The following KIRREL3 variants were observed in gnomAD, a reference collection of about 807,000 sequenced individuals.
KIRREL3 encodes the protein kin of IRRE-like protein 3.
A neutral mutation model predicts 89.7 loss-of-function variants in KIRREL3; 36 were observed. That is an observed-to-expected ratio of 0.40 (90% confidence interval 0.31 to 0.53). The LOEUF is 0.53. Ranked by LOEUF, KIRREL3 falls within the 20% of genes least tolerant of loss-of-function variation. The pLI is 0.49. For missense variants in KIRREL3, 864 were observed against 1,056.6 expected, an observed-to-expected ratio of 0.82 and a Z score of 2.53; for synonymous variants, 445 against 441.4, an observed-to-expected ratio of 1.01 and a Z score of -0.10.
chr11:126,756,252 C>T (rs1246343443), intron 1 of KIRREL3, among the ~76,000 whole-genome samples: 1 of 152,222 alleles, frequency 6.6e-6, no homozygotes, highest in Admixed American at 6.5e-5. Context: ...GACTCCACCC[C>T]CAACACTGCC....
rs1438135945 is a variant in KIRREL3 at position 126,579,680 on chromosome 11, T to A, written c.56-16768A>T. Reference sequence around the variant, plus strand: ...GGTTGGATGGCATTTGTATCTAGAGTTGCACCTGGATCTGGACAATGCTTC... The same window carrying A: ...GGTTGGATGGCATTTGTATCTAGAGATGCACCTGGATCTGGACAATGCTTC... On this transcript the variant is annotated intron_variant, in intron 1 of 16. Coordinates refer to ENST00000525144, the MANE Select transcript of KIRREL3 (RefSeq NM_032531.4). The surrounding 1 kb of genome is among the most constrained non-coding windows in gnomAD (Gnocchi z 5.3). Among the ~76,000 whole-genome samples the A allele has an allele frequency of 6.6e-6, 1 of 151,852 alleles. No individual in the cohort carries two copies. Among genetic ancestry groups the A allele is most frequent in the Non-Finnish European group, 1.5e-5 (1 of 67,974 alleles).
At chr11:126,793,952 CT>C (rs1950724985) in intron 1 of KIRREL3, among the ~76,000 whole-genome samples, 1 of 152,164 alleles carries the variant, frequency 6.6e-6, no homozygotes. Flanking sequence ...ATATAACGGC[CT>C]GAAAGGGTGC....
chr11:126,670,659 G>A (rs73629193), intron 1 of KIRREL3, among the ~76,000 whole-genome samples: 5,930 of 152,272 alleles, frequency 0.039, 234 homozygotes, highest in African/African-American at 0.095. Flanking sequence ...TGGAATCGTG[G>A]TAAGCTGCCT....
intron 1 of KIRREL3, among the ~76,000 whole-genome samples, chr11:126,835,142 A>G (rs1269823879): frequency 1.3e-5 from 2 of 152,210 alleles, no homozygotes; most frequent in Non-Finnish European, 2.9e-5. Context: ...TTTAATAATG[A>G]CACCCCATGC....
intron 1 of KIRREL3, among the ~76,000 whole-genome samples, chr11:126,660,889 C>T (rs1436151467): frequency 6.6e-6 from 1 of 152,124 alleles, no homozygotes; most frequent in Non-Finnish European, 1.5e-5. Flanking sequence ...GCTTGGCAAA[C>T]AACTGTGTTT....
chr11:126,845,016 C>T (rs1944092575), intron 1 of KIRREL3, among the ~76,000 whole-genome samples: 1 of 152,090 alleles, frequency 6.6e-6, no homozygotes, highest in African/African-American at 2.4e-5. Flanking sequence ...TTTTCTGTTA[C>T]TCAGGGCAAC....
At chr11:126,559,850 T>TC (rs1939982141) in intron 2 of KIRREL3, among the ~76,000 whole-genome samples, 1 of 151,850 alleles carries the variant, frequency 6.6e-6, no homozygotes, top group Admixed American at 6.6e-5. Flanking sequence ...TTATTATTTT[T>TC]TTTTGTATTT....
chr11:126,838,375 C>G (rs1943848089), intron 1 of KIRREL3, among the ~76,000 whole-genome samples: 1 of 152,216 alleles, frequency 6.6e-6, no homozygotes, highest in Non-Finnish European at 1.5e-5. Flanking sequence ...TAGGGCCAGA[C>G]TGCACCTTCT....
chr11:126,745,409 C>T (rs1949111479), intron 1 of KIRREL3, among the ~76,000 whole-genome samples: 1 of 150,984 alleles, frequency 6.6e-6, no homozygotes, highest in Non-Finnish European at 1.5e-5. Flanking sequence ...TGGAATTTTA[C>T]AATGTGGTCA....
At chr11:126,532,905 A>T (rs1308275883) in intron 2 of KIRREL3, among the ~76,000 whole-genome samples, 1 of 151,722 alleles carries the variant, frequency 6.6e-6, no homozygotes, top group African/African-American at 2.4e-5. Context: ...ATTATATTAT[A>T]ATATAGCTTA....
chr11:126,939,013 G>A (rs1258542145), intron 1 of KIRREL3, among the ~76,000 whole-genome samples: 1 of 152,120 alleles, frequency 6.6e-6, no homozygotes, highest in Non-Finnish European at 1.5e-5. Context: ...GTGTGAGAAG[G>A]AAGCTCCTAG....
intron 1 of KIRREL3, among the ~76,000 whole-genome samples, chr11:126,678,599 CAAAAAAA>C (rs59342253): frequency 2.0e-3 from 99 of 50,042 alleles, no homozygotes; most frequent in Admixed American, 4.8e-3. Flanking sequence ...GACTCTGTCT[CAAAAAAA>C]AAAAAAAAAA....
Position 126,904,352 on chromosome 11 carries a change from C to A in KIRREL3, c.55+96103G>T, listed in dbSNP as rs543291059. On this transcript the variant is annotated intron_variant, in intron 1 of 16. Coordinates refer to ENST00000525144, the MANE Select transcript of KIRREL3 (RefSeq NM_032531.4). The surrounding 1 kb of genome is among the most constrained non-coding windows in gnomAD (Gnocchi z 4.4). ...AACTCATGATTATTTGCTATTTTGC[C>A]ATTGCTAGTTAAATTGGGTCTTGAT... 6.6e-6 allele frequency among the ~76,000 whole-genome samples: 1 copy of A among 152,122 alleles called. No individual in the cohort carries two copies. The highest frequency in any genetic ancestry group is 1.5e-5 in the Non-Finnish European group (1 of 68,032).
At chr11:126,869,113 A>T (rs1474116498) in intron 1 of KIRREL3, among the ~76,000 whole-genome samples, 1 of 151,790 alleles carries the variant, frequency 6.6e-6, no homozygotes, top group Non-Finnish European at 1.5e-5. Flanking sequence ...TACATAGAAA[A>T]AGCTGTTTGT....
intron 1 of KIRREL3, among the ~76,000 whole-genome samples, chr11:126,714,820 G>A (rs1947896276): frequency 6.6e-6 from 1 of 152,178 alleles, no homozygotes; most frequent in East Asian, 1.9e-4. Flanking sequence ...CTCTGGGTCT[G>A]CTTTGAGGGA....
At chr11:126,693,434 C>T (rs1437492925) in intron 1 of KIRREL3, among the ~76,000 whole-genome samples, 1 of 151,974 alleles carries the variant, frequency 6.6e-6, no homozygotes, top group African/African-American at 2.4e-5. Flanking sequence ...CACAAACAAA[C>T]AAACAAACAA....
intron 1 of KIRREL3, among the ~76,000 whole-genome samples, chr11:126,654,085 C>A (rs1308588445): frequency 3.3e-5 from 5 of 152,152 alleles, no homozygotes; most frequent in Non-Finnish European, 7.3e-5. Context: ...GGCCTCTGGA[C>A]ACATGAATTT....
At chr11:126,901,038 A>C (rs1034041886) in intron 1 of KIRREL3, among the ~76,000 whole-genome samples, 7 of 152,058 alleles carry the variant, frequency 4.6e-5, no homozygotes, top group Non-Finnish European at 1.5e-5. Context: ...ACATGGTGAA[A>C]CTTCACCTCT....
chr11:126,689,126 G>A lies in KIRREL3; in HGVS notation c.56-126214C>T, dbSNP rs1463018638. Reference sequence around the variant, plus strand: ...AGCATGAGCTGCCTGATCTTTGCCAGGTGATAAACTGGCCCACTGTGATCT... The same window carrying A: ...AGCATGAGCTGCCTGATCTTTGCCAAGTGATAAACTGGCCCACTGTGATCT... On this transcript the variant is annotated intron_variant, in intron 1 of 16. Transcript: ENST00000525144. This position sits in a 1 kb window ranked among gnomAD's most constrained non-coding sequence, Gnocchi z 5.2. Among the ~76,000 whole-genome samples, 3 of 151,852 alleles carry A rather than the reference G, an allele frequency of 2.0e-5. No homozygotes were observed. The highest frequency in any genetic ancestry group is 4.4e-5 in the Non-Finnish European group (3 of 68,006).
Sources: allele counts gnomAD v4.1 joint callset (sites outside exome capture counted in the v4.1 genomes callset), GRCh38; gene constraint gnomAD v4.1.1; non-coding constraint Gnocchi (gnomAD v3.1); transcripts MANE v1.5; gene names NCBI Gene and HGNC (gene_info 2026-07-23, HGNC 2026-07-21).